BNC2: variants seen among roughly 807,000 people sequenced by gnomAD.
BNC2 encodes the protein zinc finger protein basonuclin-2.
In BNC2, 20 loss-of-function variants were observed where a neutral mutation model predicts 76.3. The observed-to-expected ratio is 0.26, with a 90% CI of 0.18 to 0.38. The LOEUF (loss-of-function observed/expected upper bound fraction) is 0.38, where lower values mean the gene tolerates loss of function less well. Ranked by LOEUF, BNC2 falls within the 10% of genes least tolerant of loss-of-function variation. The pLI is 1.00. For synonymous variants in BNC2, 582 were observed against 514.8 expected (o/e 1.13, Z -1.77); for missense variants, 1,382 against 1,399.8 (o/e 0.99, Z 0.20).
intron 6 of BNC2, among the ~76,000 whole-genome samples, chr9:16,427,809 C>G (rs1387740984): frequency 6.6e-6 from 1 of 152,198 alleles, no homozygotes; most frequent in Non-Finnish European, 1.5e-5. Context: ...ACCCTCTCTT[C>G]ACTGGATTTC....
chr9:16,488,499 T>C (rs1822210799), intron 5 of BNC2, among the ~76,000 whole-genome samples: 1 of 152,324 alleles, frequency 6.6e-6, no homozygotes, highest in Admixed American at 6.5e-5. Flanking sequence ...TAAACACTAC[T>C]GAGTAAAATG....
chr9:16,453,857 T>C (rs1161517738), intron 5 of BNC2, among the ~76,000 whole-genome samples: 2 of 152,182 alleles, frequency 1.3e-5, no homozygotes, highest in Admixed American at 6.5e-5. Context: ...TGCTAAATGA[T>C]TTAAGCATAA....
At chr9:16,478,360 A>G (rs1761369067) in intron 5 of BNC2, among the ~76,000 whole-genome samples, 1 of 152,190 alleles carries the variant, frequency 6.6e-6, no homozygotes, top group African/African-American at 2.4e-5. Context: ...CCTCATACAC[A>G]GTGGTACCCA....
intron 3 of BNC2, among the ~76,000 whole-genome samples, chr9:16,713,504 C>T (rs1220044292): frequency 1.4e-5 from 2 of 138,374 alleles, no homozygotes; most frequent in African/African-American, 5.5e-5. Context: ...AAGTGACATG[C>T]TTAAACTTGA....
At chr9:16,445,757 C>T (rs545320946) in intron 5 of BNC2, among the ~76,000 whole-genome samples, 41 of 152,138 alleles carry the variant, frequency 2.7e-4, no homozygotes, top group African/African-American at 8.7e-4. Flanking sequence ...CCTATGTGAA[C>T]AAATATGCTT....
chr9:16,659,377 A>C, intron 3 of BNC2, among the ~76,000 whole-genome samples: 1 of 152,168 alleles, frequency 6.6e-6, no homozygotes, highest in African/African-American at 2.4e-5. Flanking sequence ...TGGGGGGCCG[A>C]GGTGGGCAGA....
chr9:16,845,568 A>C (rs1468228500), intron 1 of BNC2, among the ~76,000 whole-genome samples: 3 of 151,840 alleles, frequency 2.0e-5, no homozygotes, highest in Non-Finnish European at 4.4e-5. Flanking sequence ...AAAAATACAA[A>C]AAATTAGCCG....
chr9:16,805,221 G>A (rs1257822035), intron 1 of BNC2, among the ~76,000 whole-genome samples: 3 of 152,152 alleles, frequency 2.0e-5, no homozygotes, highest in African/African-American at 7.2e-5. Flanking sequence ...AAGACTTTAT[G>A]CAAAGGTCTG....
At chr9:16,756,815 C>A (rs1439441749) in intron 1 of BNC2, among the ~76,000 whole-genome samples, 3 of 152,094 alleles carry the variant, frequency 2.0e-5, no homozygotes, top group Non-Finnish European at 2.9e-5. Context: ...CAGTGAAACT[C>A]TGTCTCTACT....
At chr9:16,829,911 C>A (rs1818542175) in intron 1 of BNC2, among the ~76,000 whole-genome samples, 1 of 152,182 alleles carries the variant, frequency 6.6e-6, no homozygotes, top group Admixed American at 6.5e-5. Flanking sequence ...CACTATAGGA[C>A]ACAAACCACC....
chr9:16,509,963 A>G (rs1822715005), intron 5 of BNC2, among the ~76,000 whole-genome samples: 1 of 152,220 alleles, frequency 6.6e-6, no homozygotes, highest in African/African-American at 2.4e-5. Flanking sequence ...TGAAGATTCT[A>G]GGCTGTTTCC....
intron 6 of BNC2, among the ~76,000 whole-genome samples, chr9:16,430,385 G>A (rs576311290): frequency 6.6e-6 from 1 of 152,160 alleles, no homozygotes; most frequent in African/African-American, 2.4e-5. Flanking sequence ...ATTATATTAG[G>A]GCAAATATAC....
chr9:16,569,956 T>A (rs1819274052), intron 4 of BNC2, among the ~76,000 whole-genome samples: 1 of 152,226 alleles, frequency 6.6e-6, no homozygotes, highest in African/African-American at 2.4e-5. Flanking sequence ...GTACACTGAC[T>A]ATAAAACATA....
chr9:16,548,320 AG>A (rs757425369), intron 5 of BNC2, among the ~76,000 whole-genome samples: 8 of 152,070 alleles, frequency 5.3e-5, no homozygotes, highest in Non-Finnish European at 8.8e-5. Flanking sequence ...AGGACAAAAG[AG>A]GGGGCCACTG....
At chr9:16,750,071 T>C (rs1333766949) in intron 1 of BNC2, among the ~76,000 whole-genome samples, 1 of 152,210 alleles carries the variant, frequency 6.6e-6, no homozygotes, top group Non-Finnish European at 1.5e-5. Context: ...TCACAGAGCA[T>C]GAGGACCTAA....
At position 16,415,854 on chromosome 9, in the gene BNC2, G is replaced by A. The variant is rs2118968411; in HGVS notation, c.*3135C>T. 6.6e-6 allele frequency: 1 copy of A among 152,298 alleles called. No individual in the cohort carries two copies. The allele number at this position is 152,298 out of a possible 1,614,324, so 9.4% of individuals were successfully genotyped here. A position where few individuals can be genotyped will look rare whatever the true frequency, so the allele number is the denominator to read the frequency against. On this transcript the variant is annotated 3_prime_UTR_variant, in exon 7 of 7. Coordinates refer to ENST00000380672, the MANE Select transcript of BNC2 (RefSeq NM_017637.6). ...TTTAGAAGGCCACCGTAACGACTGG[G>A]CACTTGAGGCACAAAAGTAGTAGCA...
intron 5 of BNC2, among the ~76,000 whole-genome samples, chr9:16,467,913 T>C (rs1279091668): frequency 6.6e-6 from 1 of 152,082 alleles, no homozygotes; most frequent in Non-Finnish European, 1.5e-5. Context: ...ACCAGGTTCT[T>C]ATGCTTCAGA....
intron 3 of BNC2, among the ~76,000 whole-genome samples, chr9:16,682,900 A>C (rs1326804798): frequency 6.6e-6 from 1 of 152,208 alleles, no homozygotes; most frequent in African/African-American, 2.4e-5. Flanking sequence ...AAATATCAGC[A>C]ATTAAGGAGA....
At chr9:16,687,170 A>G (rs902893875) in intron 3 of BNC2, among the ~76,000 whole-genome samples, 5 of 152,140 alleles carry the variant, frequency 3.3e-5, no homozygotes, top group Non-Finnish European at 7.3e-5. Flanking sequence ...CATGAGAAAG[A>G]AAAGAAAGGT....
Sources: gnomAD v4.1 joint callset for allele counts (sites outside exome capture counted in the v4.1 genomes callset) on GRCh38, gnomAD v4.1.1 for gene constraint, MANE v1.5 for transcripts, NCBI Gene and HGNC (gene_info 2026-07-23, HGNC 2026-07-21) for gene names.